The following NMNAT1 variants were observed in gnomAD, a reference collection of about 807,000 sequenced individuals.
NMNAT1 encodes nicotinamide/nicotinic acid mononucleotide adenylyltransferase 1.
A neutral mutation model predicts 16.7 loss-of-function variants in NMNAT1; 11 were observed. That is an observed-to-expected ratio of 0.66 (90% CI 0.41 to 1.09). NMNAT1 has a LOEUF of 1.09. Ranked by LOEUF, NMNAT1 falls within the 50% of genes least tolerant of loss-of-function variation. The pLI is 0.00. For synonymous variants in NMNAT1, 110 were observed against 119.8 expected, an observed-to-expected ratio of 0.92 and a Z score of 0.53; for missense variants, 280 against 332.3, an observed-to-expected ratio of 0.84 and a Z score of 1.22.
intron 3 of NMNAT1, among the ~76,000 whole-genome samples, chr1:9,980,333 T>C (rs1410599549): frequency 6.6e-6 from 1 of 151,870 alleles, no homozygotes; most frequent in Non-Finnish European, 1.5e-5. Flanking sequence ...ATGTGTGGCA[T>C]ATGATAAATA....
At chr1:9,970,784 T>C (rs1034137891) in intron 1 of NMNAT1, among the ~76,000 whole-genome samples, 5 of 152,090 alleles carry the variant, frequency 3.3e-5, no homozygotes, top group Admixed American at 6.6e-5. Context: ...ATAACTGATA[T>C]GAAAAAGAGG....
intron 1 of NMNAT1, among the ~76,000 whole-genome samples, chr1:9,962,134 C>T (rs1032259687): frequency 6.6e-6 from 1 of 151,994 alleles, no homozygotes; most frequent in Non-Finnish European, 1.5e-5. Context: ...CTTGTTTCAT[C>T]CCGTCCAATG....
At chr1:9,979,878 C>T (rs763889236) in intron 3 of NMNAT1, among the ~76,000 whole-genome samples, 1 of 151,852 alleles carries the variant, frequency 6.6e-6, no homozygotes, top group African/African-American at 2.4e-5. Context: ...CTGTAAGCCT[C>T]CTTTCTCCTT....
chr1:9,996,127 C>T, the NMNAT1 span, among the ~76,000 whole-genome samples: 4 of 151,654 alleles, frequency 2.6e-5, no homozygotes, highest in South Asian at 2.1e-4. Flanking sequence ...CTGGCTAACA[C>T]GGTGAAACCC....
rs910744224 is a variant in NMNAT1, at chr1:9,952,969, A to C, written c.-57+9454A>C. On this transcript the variant is annotated intron_variant, in intron 1 of 4. Coordinates refer to ENST00000377205, the MANE Select transcript of NMNAT1 (RefSeq NM_022787.4). ...TCTGGGCAAACTAATTTTTCCTTTG[A>C]TATAGATTGTATGCATGTTTTTTTT... is the stretch of plus-strand genomic sequence containing the variant. Among the ~76,000 whole-genome samples, 9 of 151,526 alleles carry C rather than the reference A, an allele frequency of 5.9e-5. 1 individual carries two copies. Among genetic ancestry groups the C allele is most frequent in the African/African-American group, 4.9e-5 (2 of 41,234 alleles).
intron 1 of NMNAT1, among the ~76,000 whole-genome samples, chr1:9,958,278 T>G (rs1641316128): frequency 6.6e-6 from 1 of 152,154 alleles, no homozygotes; most frequent in Admixed American, 6.6e-5. Context: ...CATAATGATA[T>G]TTTGTGTTTT....
intron 1 of NMNAT1, among the ~76,000 whole-genome samples, chr1:9,968,069 T>TTTTTTTTTTGG (rs1553126603): frequency 4.8e-5 from 3 of 62,146 alleles, no homozygotes; most frequent in Admixed American, 2.5e-4. Flanking sequence ...CCAAATGTAG[T>TTTTTTTTTTGG]TTTTTTTTTT....
intron 1 of NMNAT1, among the ~76,000 whole-genome samples, chr1:9,958,016 A>G (rs1373864170): frequency 6.6e-6 from 1 of 152,170 alleles, no homozygotes; most frequent in East Asian, 1.9e-4. Context: ...ATGGCTTTCT[A>G]TACCAGAAGA....
intron 1 of NMNAT1, among the ~76,000 whole-genome samples, chr1:9,944,517 T>A (rs1376142651): frequency 6.6e-6 from 1 of 152,182 alleles, no homozygotes; most frequent in Non-Finnish European, 1.5e-5. Context: ...AGTTTTTTTT[T>A]AAGTAACAAT....
chr1:9,946,156 T>C (rs529667348), intron 1 of NMNAT1, among the ~76,000 whole-genome samples: 3 of 152,358 alleles, frequency 2.0e-5, no homozygotes, highest in African/African-American at 7.2e-5. Flanking sequence ...CCTTTTCTTC[T>C]CTGTGACTTA....
At chr1:9,949,115 C>CA (rs1641046583) in intron 1 of NMNAT1, among the ~76,000 whole-genome samples, 1 of 150,722 alleles carries the variant, frequency 6.6e-6, no homozygotes. Context: ...ACTAAAAATA[C>CA]AAAAATTAGC....
downstream of NMNAT1, among the ~76,000 whole-genome samples, chr1:9,986,445 G>A (rs986257942): frequency 3.9e-5 from 6 of 152,200 alleles, no homozygotes; most frequent in Admixed American, 2.0e-4. Context: ...CCGGCGTGGT[G>A]GCTCAGCCAG....
intron 1 of NMNAT1, among the ~76,000 whole-genome samples, chr1:9,954,999 G>A (rs1292445681): frequency 6.6e-6 from 1 of 151,444 alleles, no homozygotes; most frequent in Non-Finnish European, 1.5e-5. Flanking sequence ...ACAACTAAAA[G>A]AGAGGCCAGG....
chr1:9,953,173 G>A (rs1432335984), intron 1 of NMNAT1, among the ~76,000 whole-genome samples: 1 of 151,468 alleles, frequency 6.6e-6, no homozygotes, highest in South Asian at 2.1e-4. Context: ...TAGTAGAGAC[G>A]GGGTTTCACT....
intron 1 of NMNAT1, among the ~76,000 whole-genome samples, chr1:9,954,295 C>T (rs1641196538): frequency 6.6e-6 from 1 of 152,014 alleles, no homozygotes; most frequent in African/African-American, 2.4e-5. Flanking sequence ...CTGCACCCTC[C>T]ACCTCCTGGG....
At chr1:9,943,793 C>T (rs770448520) in intron 1 of NMNAT1, among the ~76,000 whole-genome samples, 13 of 152,160 alleles carry the variant, frequency 8.5e-5, no homozygotes, top group Non-Finnish European at 1.8e-4. Context: ...TTAGGCTTAA[C>T]GGGGGACGGC....
intron 1 of NMNAT1, among the ~76,000 whole-genome samples, chr1:9,950,926 T>C (rs1014960162): frequency 6.6e-6 from 1 of 151,946 alleles, no homozygotes; most frequent in African/African-American, 2.4e-5. Flanking sequence ...CCATCTCTAC[T>C]AAAAATACCA....
At chr1:9,985,968 G>T (rs1642040891), downstream of NMNAT1, among the ~76,000 whole-genome samples, 1 of 152,158 alleles carries the variant, frequency 6.6e-6, no homozygotes, top group Admixed American at 6.6e-5. Context: ...TTTTTGACCT[G>T]TCATAGTGGT....
chr1:9,980,494 G>A lies in NMNAT1; in HGVS notation c.300-537G>A, dbSNP rs116271223. 7.8e-3 allele frequency among the ~76,000 whole-genome samples: 1,177 copies of A among 150,828 alleles called. 12 individuals carry two copies. Among genetic ancestry groups the A allele is most frequent in the Non-Finnish European group, 0.013 (896 of 67,718 alleles). ...AAAAATTGGCTGAGCGTGGTGGTGC[G>A]CCCCTGTAATCCCAGCTGCTCGGGA... On this transcript the variant is annotated intron_variant, in intron 3 of 4. Coordinates refer to ENST00000377205, the MANE Select transcript of NMNAT1 (RefSeq NM_022787.4).
Sources: gnomAD v4.1 joint callset for allele counts (sites outside exome capture counted in the v4.1 genomes callset) on GRCh38, gnomAD v4.1.1 for gene constraint, MANE v1.5 for transcripts, NCBI Gene and HGNC (gene_info 2026-07-23, HGNC 2026-07-21) for gene names.